The following GOLT1B variants were observed in gnomAD, a reference collection of about 807,000 sequenced individuals.
The protein encoded by GOLT1B is vesicle transport protein GOT1B.
Under a neutral mutation model 15.4 loss-of-function variants are expected in GOLT1B, and 3 were observed. The ratio of observed to expected loss-of-function variants is 0.19; its 90% confidence interval spans 0.09 to 0.50. The LOEUF (loss-of-function observed/expected upper bound fraction) is 0.50, where lower values mean the gene tolerates loss of function less well. Ranked by LOEUF, GOLT1B falls within the 20% of genes least tolerant of loss-of-function variation. The pLI is 0.97. For missense variants in GOLT1B, 145 were observed against 160.4 expected, an observed-to-expected ratio of 0.90 and a Z score of 0.52; for synonymous variants, 65 against 56.2, an observed-to-expected ratio of 1.16 and a Z score of -0.70.
chr12:21,506,551 C>T lies in GOLT1B; in HGVS notation c.26-334C>T, dbSNP rs531064849. Reference sequence around the variant, plus strand: ...GAAACCTATACATTTATGTCTGATGCGAGAGAGCTTTTCAGGAGGAAAAAA... The same window carrying T: ...GAAACCTATACATTTATGTCTGATGTGAGAGAGCTTTTCAGGAGGAAAAAA... On this transcript the variant is annotated intron_variant, in intron 1 of 4. Transcript: ENST00000229314. 5.3e-5 allele frequency among the ~76,000 whole-genome samples: 8 copies of T among 151,808 alleles called. No individual in the cohort carries two copies. The South Asian group carries it at 6.2e-4, about 12-fold the overall frequency.
chr12:21,511,311 G>C (rs1203920098), intron 3 of GOLT1B, among the ~76,000 whole-genome samples: 2 of 152,200 alleles, frequency 1.3e-5, no homozygotes, highest in African/African-American at 4.8e-5. Context: ...GGCAAGGAAA[G>C]GGGGGAGGGT....
In GOLT1B at chr12:21,517,298, T is replaced by TA. The variant is rs1271046637; in HGVS notation, c.*1592dup. On this transcript the variant is annotated 3_prime_UTR_variant, in exon 5 of 5. Transcript: ENST00000229314. Reference sequence around the variant, plus strand: ...ACATTTTTGGTACTTGCATTTGACTTACGATGTATCTGTGAAAATGGGATG... The same window carrying TA: ...ACATTTTTGGTACTTGCATTTGACTTAACGATGTATCTGTGAAAATGGGATG... The TA allele has an allele frequency of 6.6e-6, 1 of 152,470 alleles. No homozygotes were observed. The highest frequency in any genetic ancestry group is 2.4e-5 in the African/African-American group (1 of 41,448). The allele number at this position is 152,470 out of a possible 1,614,324, so 9.4% of individuals were successfully genotyped here. A position where few individuals can be genotyped will look rare whatever the true frequency, so the allele number is the denominator to read the frequency against.
At chr12:21,515,632 G>A (rs1591764416) in intron 4 of GOLT1B, 37 bp from the exon 5 acceptor site, 2 of 1,075,446 alleles carry the variant, frequency 1.9e-6, no homozygotes, top group Admixed American at 1.9e-5. Context: ...TAATGTTCCG[G>A]GCTTTCTTTA....
chr12:21,512,560 A>G (rs1943727770), intron 4 of GOLT1B, among the ~76,000 whole-genome samples, 184 bp downstream of exon 4: 1 of 152,088 alleles, frequency 6.6e-6, no homozygotes, highest in African/African-American at 2.4e-5. Context: ...AAAATGTGAA[A>G]TTTTGTTTTA....
intron 1 of GOLT1B, chr12:21,504,530 G>T: frequency 2.0e-6 from 1 of 499,054 alleles, no homozygotes; most frequent in Admixed American, 2.1e-5. Context: ...GTAGTTGTAG[G>T]ACCATTGTCT....
At chr12:21,513,526 G>A (rs1383541772) in intron 4 of GOLT1B, among the ~76,000 whole-genome samples, 1 of 151,908 alleles carries the variant, frequency 6.6e-6, no homozygotes, top group Non-Finnish European at 1.5e-5. Context: ...TTCTTAGAGA[G>A]AGTCTCAAAC....
chr12:21,502,667 T>G (rs1007121628), intron 1 of GOLT1B, among the ~76,000 whole-genome samples: 2 of 152,166 alleles, frequency 1.3e-5, no homozygotes, highest in Non-Finnish European at 2.9e-5. Flanking sequence ...TCCAGGCCTA[T>G]TTCATCTCTA....
At position 21,502,018 on chromosome 12, in the gene GOLT1B, C is replaced by T; in HGVS notation, c.25+70C>T. ...ATCGCCCGGCTGGGTCTCGCCCCTC[C>T]GCCGGGGTCAATGAATGAAGCTCTG... On this transcript the variant is annotated intron_variant, in intron 1 of 4. Transcript: ENST00000229314. The T allele has an allele frequency of 3.7e-6, 4 of 1,088,698 alleles. No individual in the cohort carries two copies. In the South Asian group the frequency reaches 5.1e-5, roughly 14 times the overall value. The allele number at this position is 1,088,698 out of a possible 1,614,324, so 67.4% of individuals were successfully genotyped here.
At chr12:21,505,362 T>A (rs918002096) in intron 1 of GOLT1B, among the ~76,000 whole-genome samples, 4 of 152,230 alleles carry the variant, frequency 2.6e-5, no homozygotes, top group Non-Finnish European at 4.4e-5. Context: ...GAATTTTACT[T>A]GCTCTTTTGT....
At chr12:21,515,428 T>G (rs1236427140) in intron 4 of GOLT1B, among the ~76,000 whole-genome samples, 1 of 152,158 alleles carries the variant, frequency 6.6e-6, no homozygotes, top group Non-Finnish European at 1.5e-5. Context: ...TGTTGCACCC[T>G]TAAATTCATA....
Position 21,501,834 on chromosome 12 carries a change from T to C in GOLT1B, c.-90T>C. 1 of 899,738 alleles carries C rather than the reference T, an allele frequency of 1.1e-6. No individual in the cohort carries two copies. The highest frequency in any genetic ancestry group is 1.8e-6 in the Non-Finnish European group (1 of 543,906). The allele number at this position is 899,738 out of a possible 1,614,324, so 55.7% of individuals were successfully genotyped here. A position where few individuals can be genotyped will look rare whatever the true frequency, so the allele number is the denominator to read the frequency against. On this transcript the variant is annotated 5_prime_UTR_variant, in exon 1 of 5. Transcript: ENST00000229314. ...TCCGGAAGACGTGGCGGCTCTCGCCTGGGCTGTTTCCCGGCTTCATTTCTC... is the reference window on the plus strand; with the variant it reads ...TCCGGAAGACGTGGCGGCTCTCGCCCGGGCTGTTTCCCGGCTTCATTTCTC...
chr12:21,513,439 G>A (rs868508168), intron 4 of GOLT1B, among the ~76,000 whole-genome samples: 4 of 152,026 alleles, frequency 2.6e-5, no homozygotes, highest in African/African-American at 7.2e-5. Flanking sequence ...TGGCTGACTC[G>A]GGGTGTGCTT....
At chr12:21,515,324 GTTT>G in intron 4 of GOLT1B, 1 of 844,186 alleles carries the variant, frequency 1.2e-6, no homozygotes, top group African/African-American at 1.7e-5. Context: ...TGACATTTCA[GTTT>G]TTTTTATGTT....
In GOLT1B at chr12:21,501,932, C is replaced by A. The variant is rs754226477; in HGVS notation, c.9C>A (p.Ser3=). MI[S]LTDTQKIGMG... is the part of the protein sequence containing the mutation. ...TCCCCACCACTGCAGCCATGATCTC[C>A]TTAACGGACACGCAGAGTAAGCACC... The change falls in exon 1 of 5, where the codon TCC becomes TCA. Residue 3 remains serine (S), a synonymous_variant. Transcript: ENST00000229314. 1.2e-6 allele frequency: 2 copies of A among 1,609,666 alleles called. No individual in the cohort carries two copies. Among genetic ancestry groups the A allele is most frequent in the Non-Finnish European group, 1.7e-6 (2 of 1,176,000 alleles).
At chr12:21,513,022 G>A (rs575283361) in intron 4 of GOLT1B, among the ~76,000 whole-genome samples, 1 of 146,104 alleles carries the variant, frequency 6.8e-6, no homozygotes, top group African/African-American at 2.5e-5. Context: ...AGCCATGATT[G>A]TGCCACTGCA....
chr12:21,504,160 A>G (rs779714242), intron 1 of GOLT1B, among the ~76,000 whole-genome samples: 4 of 152,244 alleles, frequency 2.6e-5, no homozygotes, highest in Non-Finnish European at 4.4e-5. Flanking sequence ...TATGTTAGAC[A>G]GATTCGTTTT....
Position 21,515,662 on chromosome 12 carries a change from C to T in GOLT1B, c.379-7C>T, listed in dbSNP as rs1943750613. ...TCTTTAATTCTCTGTTTTTCTTCTC[C>T]TTACAGTTTGTAGATAAAGTTGGAG... is the stretch of plus-strand genomic sequence containing the variant. On this transcript the variant is annotated splice_polypyrimidine_tract_variant and splice_region_variant and intron_variant, in intron 4 of 4. Transcript: ENST00000229314. 7.5e-7 allele frequency: 1 copy of T among 1,326,774 alleles called. No individual in the cohort carries two copies. The highest frequency in any genetic ancestry group is 2.3e-5 in the East Asian group (1 of 42,650). The allele number at this position is 1,326,774 out of a possible 1,614,324, so 82.2% of individuals were successfully genotyped here.
intron 3 of GOLT1B, 143 bp from the exon 4 acceptor site, chr12:21,512,152 A>C: frequency 1.7e-6 from 1 of 582,960 alleles, no homozygotes; most frequent in Admixed American, 3.2e-5. Context: ...CAAAATTTTT[A>C]ATTAAGTTTG....
Position 21,511,464 on chromosome 12 carries a change from A to G in GOLT1B, c.297-831A>G, listed in dbSNP as rs1591762766. On this transcript the variant is annotated intron_variant, in intron 3 of 4. Coordinates refer to ENST00000229314, the MANE Select transcript of GOLT1B (RefSeq NM_016072.5). ...GGCATGATTGATTAAATTATTGGCC[A>G]TGAGTGACCAGCTTCACAGCCCCCC... 2.6e-5 allele frequency among the ~76,000 whole-genome samples: 4 copies of G among 151,942 alleles called. No homozygotes were observed. The East Asian group carries it at 5.9e-4, about 22-fold the overall frequency.
Sources: gnomAD v4.1 joint callset for allele counts (sites outside exome capture counted in the v4.1 genomes callset) on GRCh38, gnomAD v4.1.1 for gene constraint, MANE v1.5 for transcripts, NCBI Gene and HGNC (gene_info 2026-07-23, HGNC 2026-07-21) for gene names.